Variants in CACNA2D2 observed in about 807,000 individuals in gnomAD.
CACNA2D2 encodes voltage-dependent calcium channel subunit alpha-2/delta-2.
Under a neutral mutation model 166.4 loss-of-function variants are expected in CACNA2D2, and 48 were observed. That is an observed-to-expected ratio of 0.29 (90% confidence interval 0.23 to 0.37). The LOEUF is 0.37. CACNA2D2 is among the 10% of genes least tolerant of loss of function. The pLI, the probability that CACNA2D2 is intolerant of heterozygous loss-of-function variation, is 1.00. For missense variants in CACNA2D2, 1,122 were observed against 1,433.0 expected (o/e 0.78, Z 3.50); for synonymous variants, 561 against 573.7 (o/e 0.98, Z 0.32).
chr3:50,423,177 T>C (rs1707654425), intron 3 of CACNA2D2, among the ~76,000 whole-genome samples: 1 of 152,180 alleles, frequency 6.6e-6, no homozygotes, highest in Non-Finnish European at 1.5e-5. Flanking sequence ...TGGTTCCTGG[T>C]CTCCTCAAGC....
At chr3:50,378,378 G>C (rs746088984) in intron 13 of CACNA2D2, 45 bp from the exon 14 acceptor site, 3 of 1,538,302 alleles carry the variant, frequency 2.0e-6, no homozygotes, top group Non-Finnish European at 1.8e-6. Context: ...TGGCACTGCA[G>C]GATCCATGTG....
At chr3:50,479,448 T>C (rs997231363) in intron 1 of CACNA2D2, among the ~76,000 whole-genome samples, 2 of 152,242 alleles carry the variant, frequency 1.3e-5, no homozygotes, top group African/African-American at 4.8e-5. Context: ...GGAGGCAATA[T>C]GTGTGTCTCA....
chr3:50,479,704 G>A (rs1030066061), intron 1 of CACNA2D2, among the ~76,000 whole-genome samples: 2 of 148,124 alleles, frequency 1.4e-5, no homozygotes, highest in African/African-American at 5.3e-5. Flanking sequence ...AAAGACAACG[G>A]ATGCATGGGA....
intron 5 of CACNA2D2, 138 bp from the exon 6 acceptor site, chr3:50,384,475 G>A (rs1705491620): frequency 2.0e-6 from 2 of 1,011,328 alleles, no homozygotes; most frequent in Admixed American, 2.2e-5. Flanking sequence ...TGCAGTAGGA[G>A]ACACAGATGG....
Position 50,364,914 on chromosome 3 carries a change from G to A in CACNA2D2, c.3265C>T (p.His1089Tyr), listed in dbSNP as rs770106093. 1 of 1,613,400 alleles carries A rather than the reference G, an allele frequency of 6.2e-7. No homozygotes were observed. Residue 1089 changes from histidine (H) to tyrosine (Y), a missense_variant, in exon 37 of 38, where the codon CAC (histidine) becomes TAC (tyrosine). Around this residue, in one of 2 missense-constraint regions of CACNA2D2, gnomAD observed 282 missense variants for 266.2 expected, o/e 1.06. Coordinates refer to ENST00000424201, the MANE Select transcript of CACNA2D2 (RefSeq NM_006030.4). Reference protein sequence around the residue: ...VQRPRYRRGPHICFDYNATED... With the variant: ...VQRPRYRRGPYICFDYNATED... ...GTCGCGTTGTAGTCGAAGCAGATGT[G>A]CGGGCCTCTCCGGTATCGCGGTCTC...
At chr3:50,502,108 T>G (rs1453205046) in intron 1 of CACNA2D2, among the ~76,000 whole-genome samples, 14 of 152,100 alleles carry the variant, frequency 9.2e-5, no homozygotes, top group Non-Finnish European at 2.1e-4. Flanking sequence ...AACCAGGGGC[T>G]CTTACCCTTG....
chr3:50,416,255 A>T (rs1270741860), intron 3 of CACNA2D2: 1 of 152,168 alleles, frequency 6.6e-6, no homozygotes, highest in East Asian at 1.9e-4. Context: ...GGGTAGAGGG[A>T]ATTTTGGAGG....
In CACNA2D2 at chr3:50,379,690, AC is replaced by A. The variant is rs1559890981; in HGVS notation, c.993+34del. On this transcript the variant is annotated intron_variant, in intron 10 of 37. Transcript: ENST00000424201. This position sits in a 1 kb window ranked among gnomAD's most constrained non-coding sequence, Gnocchi z 6.5. ...TCACAGGAGCAGGGCAGATGGGGTG[AC>A]CCATTTCACCCCGTCTGCCACCTTG... The A allele has an allele frequency of 6.2e-7, 1 of 1,612,234 alleles. No individual in the cohort carries two copies. Among genetic ancestry groups the A allele is most frequent in the Middle Eastern group, 1.7e-4 (1 of 6,058 alleles).
Position 50,380,029 on chromosome 3 carries a change from G to A in CACNA2D2, c.843-11C>T. ...GCCCCCTGGATATACCTGCCCAGGA[G>A]ATGCCTCTGTTAGGGTAAGGCCCAC... On this transcript the variant is annotated splice_polypyrimidine_tract_variant and intron_variant, in intron 8 of 37. Transcript: ENST00000424201. The surrounding 1 kb of genome is among the most constrained non-coding windows in gnomAD (Gnocchi z 4.9). The A allele has an allele frequency of 6.2e-7, 1 of 1,614,060 alleles. No individual in the cohort carries two copies. The highest frequency in any genetic ancestry group is 1.1e-5 in the South Asian group (1 of 91,086).
intron 1 of CACNA2D2, among the ~76,000 whole-genome samples, chr3:50,492,884 C>T (rs757975101): frequency 1.3e-5 from 2 of 152,058 alleles, no homozygotes; most frequent in African/African-American, 4.8e-5. Flanking sequence ...TGCTTGGACC[C>T]GAGCACTAGG....
chr3:50,446,201 G>A lies in CACNA2D2; in HGVS notation c.289-11772C>T, dbSNP rs1179745056. On this transcript the variant is annotated intron_variant, in intron 2 of 37. Transcript: ENST00000424201. ...ACTCCAGGTGTGCCACCTCCTTGTT[G>A]CCAGGTTTGGGGGCTGTGGGGTTGG... Among the ~76,000 whole-genome samples the A allele has an allele frequency of 2.0e-5, 3 of 152,378 alleles. No individual in the cohort carries two copies. In the East Asian group the frequency reaches 5.8e-4, roughly 29 times the overall value.
chr3:50,494,726 G>A (rs1698657428), intron 1 of CACNA2D2, among the ~76,000 whole-genome samples: 1 of 152,202 alleles, frequency 6.6e-6, no homozygotes, highest in African/African-American at 2.4e-5. Context: ...CCAGGCTGGA[G>A]TCCAATGGCA....
chr3:50,503,769 A>ACCCGTGCCCGCGCGCCT (rs1164645465), upstream of CACNA2D2: 4 of 114,846 alleles, frequency 3.5e-5, no homozygotes, highest in Non-Finnish European at 7.4e-5. Flanking sequence ...CCACGCGCCC[A>ACCCGTGCCCGCGCGCCT]CCCGTGCCCG....
intron 2 of CACNA2D2, among the ~76,000 whole-genome samples, chr3:50,439,809 C>T (rs1012011750): frequency 6.6e-6 from 1 of 152,178 alleles, no homozygotes; most frequent in African/African-American, 2.4e-5. Context: ...CTTGTGGTGG[C>T]TCAGGAAGCC....
chr3:50,405,053 C>T (rs1706634250), intron 3 of CACNA2D2, among the ~76,000 whole-genome samples: 1 of 152,200 alleles, frequency 6.6e-6, no homozygotes. Flanking sequence ...TTTCCTAAAA[C>T]ACAGCCTAAG....
intron 3 of CACNA2D2, among the ~76,000 whole-genome samples, chr3:50,430,265 C>G (rs1708007769): frequency 6.6e-6 from 1 of 152,226 alleles, no homozygotes; most frequent in Admixed American, 6.5e-5. Flanking sequence ...CTGGCTGTGT[C>G]TCTGAGAGGA....
intron 22 of CACNA2D2, among the ~76,000 whole-genome samples, chr3:50,374,469 G>T (rs747136690): frequency 2.6e-5 from 4 of 151,674 alleles, no homozygotes; most frequent in Non-Finnish European, 5.9e-5. Flanking sequence ...GGCAGGCTAA[G>T]GAGGGAAGAC....
chr3:50,407,850 AG>A (rs1706797919), intron 3 of CACNA2D2, among the ~76,000 whole-genome samples: 1 of 152,196 alleles, frequency 6.6e-6, no homozygotes, highest in Non-Finnish European at 1.5e-5. Context: ...GGTCAGATGA[AG>A]GGGATAAGGG....
intron 3 of CACNA2D2, among the ~76,000 whole-genome samples, chr3:50,403,654 C>G (rs1185773170): frequency 2.6e-5 from 4 of 152,202 alleles, no homozygotes; most frequent in Non-Finnish European, 4.4e-5. Context: ...TTCCCGGATG[C>G]CTGGACCACT....
Sources: gnomAD v4.1 joint callset for allele counts (sites outside exome capture counted in the v4.1 genomes callset) on GRCh38, gnomAD v4.1.1 for gene constraint, gnomAD v4.1.1 regional missense constraint, Gnocchi (gnomAD v3.1) non-coding constraint, MANE v1.5 for transcripts, NCBI Gene and HGNC (gene_info 2026-07-23, HGNC 2026-07-21) for gene names.